The following CNBD1 variants were observed in gnomAD, a reference collection of about 807,000 sequenced individuals.
CNBD1 encodes the protein cyclic nucleotide binding domain containing 1.
CNBD1 carries 71 observed loss-of-function variants against 54.4 expected under a neutral mutation model. The observed-to-expected ratio is 1.30, with a 90% CI of 1.08 to 1.59. The LOEUF is 1.59. Ranked by LOEUF, CNBD1 falls within the 40% of genes most tolerant of loss-of-function variation. The pLI, the probability that CNBD1 is intolerant of heterozygous loss-of-function variation, is 0.00. For missense variants in CNBD1, 659 were observed against 518.0 expected (o/e 1.27, Z -2.64); for synonymous variants, 182 against 170.7 (o/e 1.07, Z -0.51).
intron 5 of CNBD1, among the ~76,000 whole-genome samples, chr8:87,226,280 T>C (rs1344244574): frequency 6.6e-6 from 1 of 151,096 alleles, no homozygotes; most frequent in African/African-American, 2.5e-5. Context: ...TGCCTTCTGC[T>C]AGCTTTTGAA....
In CNBD1 at chr8:86,866,566, C is replaced by T. The variant is rs1360352164; in HGVS notation, c.71C>T (p.Pro24Leu). Residue 24 changes from proline to leucine, a missense_variant, in exon 1 of 11, where the codon CCA (proline) becomes CTA (leucine). Pro to Leu is a moderately conservative substitution (Grantham distance 98). Coordinates refer to ENST00000518476, the MANE Select transcript of CNBD1 (RefSeq NM_173538.3). ...MTAINNVPPPPLHSIPNLKKS... is the reference protein window; with the variant it reads ...MTAINNVPPPLLHSIPNLKKS... ...GCTATTAACAATGTGCCTCCTCCTC[C>T]ACTTCACAGTATACCAAGTGAGTGG... 2.3e-5 allele frequency: 37 copies of T among 1,609,172 alleles called. No homozygotes were observed. Among genetic ancestry groups the T allele is most frequent in the Middle Eastern group, 1.7e-4 (1 of 6,054 alleles).
intron 4 of CNBD1, among the ~76,000 whole-genome samples, chr8:87,013,584 G>A (rs183020345): frequency 3.3e-5 from 5 of 149,994 alleles, no homozygotes; most frequent in East Asian, 2.0e-4. Flanking sequence ...AATAATAACC[G>A]CTGTTTGGAT....
intron 2 of CNBD1, among the ~76,000 whole-genome samples, chr8:86,893,286 T>C (rs889437034): frequency 1.3e-5 from 2 of 152,238 alleles, no homozygotes; most frequent in Admixed American, 6.5e-5. Flanking sequence ...CGGGATTTTC[T>C]ACCTAGGGCA....
Position 87,279,827 on chromosome 8 carries a change from A to G in CNBD1, c.772-4851A>G, listed in dbSNP as rs982562936. On this transcript the variant is annotated intron_variant, in intron 6 of 10. Transcript: ENST00000518476. ...CTTCTCAGAAAGGCAAGGATTGAAAAATAATATATTTATATATGTATGAGG... is the reference window on the plus strand; with the variant it reads ...CTTCTCAGAAAGGCAAGGATTGAAAGATAATATATTTATATATGTATGAGG... Among the ~76,000 whole-genome samples, 5 of 151,480 alleles carry G rather than the reference A, an allele frequency of 3.3e-5. No individual in the cohort carries two copies. In the East Asian group the frequency reaches 7.7e-4, roughly 23 times the overall value.
intron 2 of CNBD1, among the ~76,000 whole-genome samples, chr8:87,401,973 T>C (rs926225174): frequency 2.6e-5 from 4 of 151,950 alleles, no homozygotes; most frequent in African/African-American, 9.7e-5. Flanking sequence ...TATTAGTTCA[T>C]TTTCATACTG....
intron 10 of CNBD1, among the ~76,000 whole-genome samples, chr8:87,371,368 T>C (rs1242064575): frequency 6.6e-6 from 1 of 152,052 alleles, no homozygotes; most frequent in South Asian, 2.1e-4. Context: ...GAGCATGGAA[T>C]GTTCTTCCAT....
At chr8:87,074,425 A>G (rs943889335) in intron 4 of CNBD1, among the ~76,000 whole-genome samples, 2 of 151,884 alleles carry the variant, frequency 1.3e-5, no homozygotes, top group African/African-American at 4.8e-5. Flanking sequence ...ATTCCTAGGG[A>G]TATGTACAGA....
chr8:87,242,116 T>C (rs1044800376), intron 6 of CNBD1, among the ~76,000 whole-genome samples: 4 of 152,160 alleles, frequency 2.6e-5, no homozygotes, highest in Non-Finnish European at 4.4e-5. Context: ...ACCTTAAGAC[T>C]GACAAAACAC....
At chr8:87,248,307 C>G (rs183951711) in intron 6 of CNBD1, among the ~76,000 whole-genome samples, 89 of 152,306 alleles carry the variant, frequency 5.8e-4, no homozygotes, top group Admixed American at 1.6e-3. Context: ...ACTTATGCCA[C>G]CTTTTAAACT....
intron 5 of CNBD1, among the ~76,000 whole-genome samples, chr8:87,231,013 C>T (rs1020059339): frequency 2.0e-5 from 3 of 152,074 alleles, no homozygotes; most frequent in Non-Finnish European, 4.4e-5. Context: ...ACATTCATGG[C>T]AGACGGCGAA....
chr8:87,340,201 ATCT>A (rs1243624992), intron 8 of CNBD1, among the ~76,000 whole-genome samples: 5 of 152,170 alleles, frequency 3.3e-5, no homozygotes, highest in Non-Finnish European at 7.4e-5. Context: ...AATATGTTAT[ATCT>A]TCTTCTGACC....
intron 3 of CNBD1, among the ~76,000 whole-genome samples, chr8:86,925,726 A>T (rs1809347558): frequency 1.5e-5 from 1 of 65,522 alleles, no homozygotes; most frequent in Non-Finnish European, 2.9e-5. Flanking sequence ...ACTGAAAAAA[A>T]TACCAAAAAA....
At chr8:87,371,995 A>G (rs894221291) in intron 10 of CNBD1, among the ~76,000 whole-genome samples, 1 of 151,938 alleles carries the variant, frequency 6.6e-6, no homozygotes, top group Admixed American at 6.6e-5. Context: ...CAGGGCAATT[A>G]GGCAGGAGAA....
At chr8:87,087,950 C>T (rs796753967) in intron 4 of CNBD1, among the ~76,000 whole-genome samples, 2 of 152,148 alleles carry the variant, frequency 1.3e-5, no homozygotes, top group African/African-American at 2.4e-5. Flanking sequence ...TTTGAGACTG[C>T]AGCTCTTTCC....
chr8:86,946,724 C>T (rs1246365702), intron 4 of CNBD1, among the ~76,000 whole-genome samples: 1 of 151,998 alleles, frequency 6.6e-6, no homozygotes, highest in Non-Finnish European at 1.5e-5. Context: ...AACAATGGAA[C>T]ACAAAGTCTT....
intron 4 of CNBD1, among the ~76,000 whole-genome samples, chr8:87,075,941 G>A (rs573727240): frequency 5.9e-5 from 9 of 152,294 alleles, no homozygotes; most frequent in East Asian, 1.9e-4. Context: ...CTCTCTGAGT[G>A]AGAGAGACTC....
chr8:87,407,052 G>T (rs748705312), intron 2 of CNBD1, among the ~76,000 whole-genome samples: 4 of 151,738 alleles, frequency 2.6e-5, no homozygotes, highest in Non-Finnish European at 4.4e-5. Context: ...ACATACAGAA[G>T]TACACAGATC....
chr8:86,996,278 A>G (rs753074491), intron 4 of CNBD1, among the ~76,000 whole-genome samples: 17 of 152,140 alleles, frequency 1.1e-4, no homozygotes, highest in Admixed American at 1.3e-4. Context: ...TATGTTTCAT[A>G]TGTCTCACCA....
intron 6 of CNBD1, among the ~76,000 whole-genome samples, chr8:87,280,550 T>A (rs935459900): frequency 2.0e-5 from 3 of 151,584 alleles, no homozygotes; most frequent in African/African-American, 7.2e-5. Flanking sequence ...AGCAAGCTAC[T>A]ATTTAAAAAT....
Sources: allele counts gnomAD v4.1 joint callset (sites outside exome capture counted in the v4.1 genomes callset), GRCh38; gene constraint gnomAD v4.1.1; transcripts MANE v1.5; gene names NCBI Gene and HGNC (gene_info 2026-07-23, HGNC 2026-07-21).